The following NLGN1 variants were observed in gnomAD, a reference collection of about 807,000 sequenced individuals.
The protein encoded by NLGN1 is neuroligin 1, also known as neuroligin-1.
Under a neutral mutation model 65.5 loss-of-function variants are expected in NLGN1, and 12 were observed. The ratio of observed to expected loss-of-function variants is 0.18; its 90% confidence interval spans 0.12 to 0.30. The LOEUF is 0.30. Among genes scored for constraint, NLGN1 ranks in the 10% least tolerant of loss-of-function variants. The pLI, the probability that NLGN1 is intolerant of heterozygous loss-of-function variation, is 1.00. For synonymous variants in NLGN1, 350 were observed against 359.5 expected (o/e 0.97, Z 0.30); for missense variants, 750 against 1,007.1 (o/e 0.74, Z 3.46).
chr3:174,015,501 G>A (rs13063045), intron 4 of NLGN1, among the ~76,000 whole-genome samples: 42,709 of 151,954 alleles, frequency 0.28, 7,392 homozygotes, highest in African/African-American at 0.48. Context: ...ATTTTTAGGA[G>A]CTTATCTAAA....
intron 4 of NLGN1, among the ~76,000 whole-genome samples, chr3:174,212,577 ATGT>A (rs1736892660): frequency 6.6e-6 from 1 of 152,252 alleles, no homozygotes; most frequent in South Asian, 2.1e-4. Flanking sequence ...GTATCCCATG[ATGT>A]TTGCACAATG....
chr3:173,958,383 G>C (rs955762775), intron 4 of NLGN1, among the ~76,000 whole-genome samples: 4 of 152,094 alleles, frequency 2.6e-5, no homozygotes, highest in Non-Finnish European at 5.9e-5. Context: ...CCACTGGCAG[G>C]GTATCCTGAT....
intron 4 of NLGN1, among the ~76,000 whole-genome samples, chr3:173,821,121 A>G (rs1342594464): frequency 6.6e-6 from 1 of 152,168 alleles, no homozygotes; most frequent in Non-Finnish European, 1.5e-5. Context: ...AACAAATGAC[A>G]TTTCTCGACT....
intron 2 of NLGN1, among the ~76,000 whole-genome samples, chr3:173,446,312 G>A (rs1180678472): frequency 6.6e-6 from 1 of 151,850 alleles, no homozygotes; most frequent in Non-Finnish European, 1.5e-5. Flanking sequence ...AGAACATGCG[G>A]TGTTTGGTTT....
intron 4 of NLGN1, among the ~76,000 whole-genome samples, chr3:173,918,708 A>G (rs112304061): frequency 5.5e-4 from 79 of 143,884 alleles, no homozygotes; most frequent in African/African-American, 1.7e-3. Context: ...GTGTGTATAT[A>G]TATATATTGC....
intron 3 of NLGN1, among the ~76,000 whole-genome samples, chr3:173,761,393 G>A (rs1560316182): frequency 1.3e-5 from 2 of 152,002 alleles, no homozygotes; most frequent in Non-Finnish European, 2.9e-5. Context: ...TGCGTTTAGT[G>A]GCTATGACAG....
At chr3:173,971,430 GGAT>G (rs200908279) in intron 4 of NLGN1, among the ~76,000 whole-genome samples, 134 of 151,904 alleles carry the variant, frequency 8.8e-4, no homozygotes, top group Admixed American at 4.8e-3. Flanking sequence ...GAGAGACAGA[GGAT>G]GATGATGATG....
chr3:173,626,098 A>G (rs1018673492), intron 3 of NLGN1, among the ~76,000 whole-genome samples: 4 of 152,210 alleles, frequency 2.6e-5, no homozygotes, highest in Non-Finnish European at 4.4e-5. Flanking sequence ...GACATATTCT[A>G]TATCTTCTCT....
At chr3:174,065,913 T>G (rs1738446525) in intron 4 of NLGN1, among the ~76,000 whole-genome samples, 2 of 152,126 alleles carry the variant, frequency 1.3e-5, no homozygotes, top group Non-Finnish European at 2.9e-5. Flanking sequence ...TGCAAGGAAC[T>G]GAATCTTGCC....
At chr3:173,446,699 A>G (rs1330357602) in intron 2 of NLGN1, among the ~76,000 whole-genome samples, 5 of 152,130 alleles carry the variant, frequency 3.3e-5, no homozygotes, top group Non-Finnish European at 4.4e-5. Context: ...AAGTGTTACT[A>G]TTTGTCCACA....
At chr3:173,587,665 G>A (rs1455585293) in intron 2 of NLGN1, among the ~76,000 whole-genome samples, 3 of 152,252 alleles carry the variant, frequency 2.0e-5, no homozygotes, top group African/African-American at 7.2e-5. Context: ...CACAAAATGT[G>A]GTAGTTTGGG....
At chr3:173,731,117 T>C (rs1292402740) in intron 3 of NLGN1, among the ~76,000 whole-genome samples, 1 of 152,082 alleles carries the variant, frequency 6.6e-6, no homozygotes, top group African/African-American at 2.4e-5. Context: ...GATGACAATT[T>C]CTCTTTTTCT....
At chr3:173,932,178 C>A (rs184728900) in intron 4 of NLGN1, among the ~76,000 whole-genome samples, 38 of 151,762 alleles carry the variant, frequency 2.5e-4, no homozygotes, top group African/African-American at 9.2e-4. Flanking sequence ...CTTAAATGAG[C>A]TATTTGGTTA....
chr3:174,081,575 C>G (rs1742226265), intron 4 of NLGN1, among the ~76,000 whole-genome samples: 1 of 150,962 alleles, frequency 6.6e-6, no homozygotes, highest in South Asian at 2.1e-4. Context: ...CTTCCTAATA[C>G]CATCAAATTA....
At chr3:173,832,140 A>AAC (rs1553864291) in intron 4 of NLGN1, among the ~76,000 whole-genome samples, 39 of 151,084 alleles carry the variant, frequency 2.6e-4, no homozygotes, top group African/African-American at 9.1e-4. Context: ...AAAAAAAAAA[A>AAC]AACTGTAGAG....
intron 3 of NLGN1, among the ~76,000 whole-genome samples, chr3:173,726,049 A>T (rs762249053): frequency 6.6e-6 from 1 of 152,054 alleles, no homozygotes; most frequent in Non-Finnish European, 1.5e-5. Context: ...ATGACAACCC[A>T]CCACCTTTGT....
intron 2 of NLGN1, among the ~76,000 whole-genome samples, chr3:173,511,586 G>C (rs1017284098): frequency 1.7e-4 from 26 of 152,012 alleles, no homozygotes; most frequent in African/African-American, 5.8e-4. Context: ...TTTCCTTCTG[G>C]TGTTCCCATC....
At chr3:174,004,658 G>A (rs1169780921) in intron 4 of NLGN1, among the ~76,000 whole-genome samples, 1 of 152,048 alleles carries the variant, frequency 6.6e-6, no homozygotes, top group Non-Finnish European at 1.5e-5. Flanking sequence ...TTTTCTGAAT[G>A]CAAAGATGAT....
intron 1 of NLGN1, among the ~76,000 whole-genome samples, chr3:173,406,310 A>G (rs542050771): frequency 1.3e-5 from 2 of 151,874 alleles, no homozygotes; most frequent in African/African-American, 2.4e-5. Flanking sequence ...ATTAACTATC[A>G]CTATATATAT....
Sources: allele counts gnomAD v4.1 joint callset (sites outside exome capture counted in the v4.1 genomes callset), GRCh38; gene constraint gnomAD v4.1.1; transcripts MANE v1.5; gene names NCBI Gene and HGNC (gene_info 2026-07-23, HGNC 2026-07-21).